The following SH2D4B variants were observed in gnomAD, a reference collection of about 807,000 sequenced individuals.
The protein encoded by SH2D4B is SH2 domain-containing protein 4B.
In SH2D4B, 45 loss-of-function variants were observed where a neutral mutation model predicts 61.5. The ratio of observed to expected loss-of-function variants is 0.73; its 90% CI spans 0.58 to 0.94. SH2D4B has a LOEUF of 0.94. Among genes scored for constraint, SH2D4B ranks in the 40% least tolerant of loss-of-function variants. The pLI, the probability that SH2D4B is intolerant of heterozygous loss-of-function variation, is 0.00. For synonymous variants in SH2D4B, 224 were observed against 220.4 expected (o/e 1.02, Z -0.14); for missense variants, 572 against 574.2 (o/e 1.00, Z 0.04).
At chr10:80,638,700 G>T (rs916688208) in intron 7 of SH2D4B, among the ~76,000 whole-genome samples, 1 of 152,120 alleles carries the variant, frequency 6.6e-6, no homozygotes, top group Non-Finnish European at 1.5e-5. Flanking sequence ...AGTCCTGCTA[G>T]TGGTCTATCA....
rs116064894 is a variant in SH2D4B, at chr10:80,632,735, G to A, written c.989-1550G>A. ...TGAGGGATCCTGGACTTTCCCTTCC[G>A]GTCCTCTTTTGTCTGTCCCTACTTT... On this transcript the variant is annotated intron_variant, in intron 6 of 7. Coordinates refer to ENST00000646907, the MANE Select transcript of SH2D4B (RefSeq NM_001388272.1). Among the ~76,000 whole-genome samples, 338 of 152,158 alleles carry A rather than the reference G, an allele frequency of 2.2e-3. 1 individual carries two copies. Among genetic ancestry groups the A allele is most frequent in the African/African-American group, 7.1e-3 (294 of 41,494 alleles).
intron 7 of SH2D4B, among the ~76,000 whole-genome samples, chr10:80,639,609 C>CT (rs1215703187): frequency 1.3e-5 from 2 of 152,026 alleles, no homozygotes; most frequent in East Asian, 1.9e-4. Flanking sequence ...GCAACCCCTG[C>CT]TTTTTTTGCT....
chr10:80,596,027 C>T (rs778752027), intron 4 of SH2D4B, among the ~76,000 whole-genome samples: 1 of 152,182 alleles, frequency 6.6e-6, no homozygotes, highest in Non-Finnish European at 1.5e-5. Context: ...GACCATGCCT[C>T]CTTTTCTCTG....
In SH2D4B at chr10:80,588,684, G is replaced by A. The variant is rs189698892; in HGVS notation, c.550G>A (p.Glu184Lys). ...AGAAGAGCAGATTCGCCTCCAGGAA[G>A]AGCAGAGGGCGAAGGAGCTCTACTG... ...RGEEQIRLQEEQRAKELYWTL... is the reference protein window; with the variant it reads ...RGEEQIRLQEKQRAKELYWTL... Residue 184 changes from glutamate to lysine, a missense_variant, in exon 4 of 8, where the codon GAG becomes AAG. Transcript: ENST00000646907. 7.4e-6 allele frequency: 12 copies of A among 1,614,100 alleles called. No homozygotes were observed. Among genetic ancestry groups the A allele is most frequent in the Admixed American group, 3.3e-5 (2 of 60,030 alleles).
At chr10:80,549,203 T>TGTGTGTGTG (rs59438371) in intron 1 of SH2D4B, among the ~76,000 whole-genome samples, 2,924 of 120,254 alleles carry the variant, frequency 0.024, 87 homozygotes, top group African/African-American at 0.053. Context: ...TGGGACTTGA[T>TGTGTGTGTG]TGTGTGTGTG....
chr10:80,612,986 A>T (rs770777725), intron 6 of SH2D4B, among the ~76,000 whole-genome samples: 7 of 152,218 alleles, frequency 4.6e-5, no homozygotes, highest in Non-Finnish European at 5.9e-5. Flanking sequence ...ACTTACGAAG[A>T]TTGAGCCAAC....
rs188525598 is a variant in SH2D4B at position 80,556,970 on chromosome 10, G to C, written c.185-13184G>C. 1.3e-5 allele frequency among the ~76,000 whole-genome samples: 2 copies of C among 152,212 alleles called. 1 individual carries two copies. The highest frequency in any genetic ancestry group is 4.1e-4 in the South Asian group (2 of 4,828). ...ATGGAGAGAGCTAACAACCTTGCCTGTTCCTAATCTTAGAGGGAAGTATTC... is the reference window on the plus strand; with the variant it reads ...ATGGAGAGAGCTAACAACCTTGCCTCTTCCTAATCTTAGAGGGAAGTATTC... On this transcript the variant is annotated intron_variant, in intron 1 of 7. Transcript: ENST00000646907.
intron 6 of SH2D4B, 118 bp downstream of exon 6, chr10:80,609,669 C>T (rs1184462096): frequency 6.7e-7 from 1 of 1,487,852 alleles, no homozygotes; most frequent in Non-Finnish European, 9.2e-7. Context: ...TTTAAGCAAT[C>T]TCCATTCTGT....
At chr10:80,615,219 C>G (rs565535426) in intron 6 of SH2D4B, among the ~76,000 whole-genome samples, 5 of 152,348 alleles carry the variant, frequency 3.3e-5, no homozygotes, top group African/African-American at 1.2e-4. Context: ...GTCCTGCATC[C>G]CATGGCACTG....
chr10:80,618,222 A>C (rs1321026654), intron 6 of SH2D4B, among the ~76,000 whole-genome samples: 1 of 152,208 alleles, frequency 6.6e-6, no homozygotes. Flanking sequence ...GATATTAAAC[A>C]ATCATGCCAT....
At chr10:80,616,584 C>T (rs185853854) in intron 6 of SH2D4B, among the ~76,000 whole-genome samples, 16 of 120,158 alleles carry the variant, frequency 1.3e-4, no homozygotes, top group Admixed American at 1.1e-3. Flanking sequence ...TTCCAAGCCT[C>T]GCATCCTGTA....
At chr10:80,555,861 G>A (rs548562337) in intron 1 of SH2D4B, among the ~76,000 whole-genome samples, 1 of 152,216 alleles carries the variant, frequency 6.6e-6, no homozygotes, top group South Asian at 2.1e-4. Flanking sequence ...TTTAAGAACA[G>A]GCGTGTTCGT....
intron 4 of SH2D4B, among the ~76,000 whole-genome samples, chr10:80,603,058 G>A (rs1357739929): frequency 6.6e-6 from 1 of 152,132 alleles, no homozygotes; most frequent in African/African-American, 2.4e-5. Context: ...GTTGGGGGAA[G>A]TCCCTTAGTG....
At chr10:80,630,037 G>C (rs907494485) in intron 6 of SH2D4B, among the ~76,000 whole-genome samples, 1 of 152,216 alleles carries the variant, frequency 6.6e-6, no homozygotes, top group Admixed American at 6.5e-5. Context: ...AAGGACAAAG[G>C]GGGAGGGTGC....
chr10:80,576,701 T>G (rs1444083179), intron 3 of SH2D4B, among the ~76,000 whole-genome samples: 1 of 152,242 alleles, frequency 6.6e-6, no homozygotes, highest in African/African-American at 2.4e-5. Flanking sequence ...TCCCCCTCCC[T>G]TTTTGGCTGC....
chr10:80,635,016 GCCAGCAC>G (rs1266789040), intron 7 of SH2D4B, among the ~76,000 whole-genome samples: 1 of 152,160 alleles, frequency 6.6e-6, no homozygotes, highest in Non-Finnish European at 1.5e-5. Flanking sequence ...GTGACCTTGA[GCCAGCAC>G]CTTAGTCTCA....
intron 1 of SH2D4B, among the ~76,000 whole-genome samples, chr10:80,557,447 G>T (rs565401617): frequency 6.6e-6 from 1 of 152,078 alleles, no homozygotes; most frequent in Non-Finnish European, 1.5e-5. Context: ...TATGCATTTG[G>T]TATTATTTCT....
intron 5 of SH2D4B, among the ~76,000 whole-genome samples, chr10:80,604,125 G>A (rs1474157683): frequency 6.6e-6 from 1 of 152,154 alleles, no homozygotes; most frequent in Non-Finnish European, 1.5e-5. Flanking sequence ...AGACTCTAAG[G>A]GCCTCCGGCT....
chr10:80,556,136 CTTT>C, intron 1 of SH2D4B, among the ~76,000 whole-genome samples: 1 of 144,842 alleles, frequency 6.9e-6, no homozygotes, highest in South Asian at 2.2e-4. Flanking sequence ...GAGTCAAGTT[CTTT>C]TTTTTTTTGC....
Sources: gnomAD v4.1 joint callset for allele counts (sites outside exome capture counted in the v4.1 genomes callset) on GRCh38, gnomAD v4.1.1 for gene constraint, MANE v1.5 for transcripts, NCBI Gene and HGNC (gene_info 2026-07-23, HGNC 2026-07-21) for gene names.